Variants in POLN observed in about 807,000 individuals in gnomAD.
POLN encodes DNA polymerase N.
A neutral mutation model predicts 113.5 loss-of-function variants in POLN; 108 were observed. The ratio of observed to expected loss-of-function variants is 0.95; its 90% CI spans 0.81 to 1.12. The LOEUF (loss-of-function observed/expected upper bound fraction) is 1.12. Among genes scored for constraint, POLN ranks in the 50% most tolerant of loss-of-function variants. POLN has a pLI of 0.00. For missense variants in POLN, 1,097 were observed against 1,077.1 expected (o/e 1.02, Z -0.26); for synonymous variants, 386 against 391.5 (o/e 0.99, Z 0.17).
At chr4:2,239,552 C>T (rs957251843) in intron 2 of POLN, among the ~76,000 whole-genome samples, 1 of 152,144 alleles carries the variant, frequency 6.6e-6, no homozygotes, top group Non-Finnish European at 1.5e-5. Flanking sequence ...ACCAAGAAAA[C>T]AAGCTCTCCA....
At chr4:2,075,320 C>T in intron 24 of POLN, 132 bp downstream of exon 24, 1 of 992,844 alleles carries the variant, frequency 1.0e-6, no homozygotes, top group Non-Finnish European at 1.5e-6. Context: ...GGTGACACAG[C>T]AGCAATGAGG....
chr4:2,115,547 T>A (rs1731296122), intron 19 of POLN, among the ~76,000 whole-genome samples: 1 of 152,254 alleles, frequency 6.6e-6, no homozygotes, highest in Non-Finnish European at 1.5e-5. Context: ...CTGGGCCAGA[T>A]ATCTCCTTTG....
At chr4:2,212,847 G>A (rs890559521) in intron 4 of POLN, among the ~76,000 whole-genome samples, 200 bp downstream of exon 4, 14 of 151,766 alleles carry the variant, frequency 9.2e-5, no homozygotes, top group Non-Finnish European at 1.9e-4. Context: ...AGAGCACTCT[G>A]AACTAACTTC....
At position 2,080,836 on chromosome 4, in the gene POLN, C is replaced by G. The variant is rs34076941; in HGVS notation, c.2387+122G>C. On this transcript the variant is annotated intron_variant, in intron 23 of 25. Transcript: ENST00000511885. ...AGGGCCTTCCATGGGCTGAGAGCCT[C>G]AGGAGGGGACGGGGGCCCGATAAGC... 5.3e-3 allele frequency: 8,303 copies of G among 1,572,198 alleles called. 92 individuals are homozygous for G. In the East Asian group the frequency reaches 0.059, roughly 11 times the overall value.
At position 2,174,745 on chromosome 4, in the gene POLN, C is replaced by T; in HGVS notation, c.1255G>A (p.Gly419Ser). The change falls in exon 10 of 26, where the codon GGT becomes AGT. Residue 419 changes from glycine (G) to serine (S), a missense_variant. Transcript: ENST00000511885. ...AAAGTACGAAATAGTTGCCATAAAC[C>T]ATAATCCTGTTTAATAGGAAGAAAT... is the stretch of plus-strand genomic sequence containing the variant. ...MDLCSKLKDY[G>S]LWQLFRTLEL... 2 of 1,601,146 alleles carry T rather than the reference C, an allele frequency of 1.2e-6. No homozygotes were observed. Among genetic ancestry groups the T allele is most frequent in the Non-Finnish European group, 1.7e-6 (2 of 1,169,200 alleles).
chr4:2,200,569 T>C (rs1733686641), intron 5 of POLN, among the ~76,000 whole-genome samples: 1 of 152,178 alleles, frequency 6.6e-6, no homozygotes, highest in African/African-American at 2.4e-5. Flanking sequence ...CAGGACAGCT[T>C]GGAGCCTGGT....
At chr4:2,153,117 G>A (rs1210120518) in intron 16 of POLN, among the ~76,000 whole-genome samples, 2 of 152,202 alleles carry the variant, frequency 1.3e-5, no homozygotes, top group Non-Finnish European at 2.9e-5. Flanking sequence ...AGTGGGACAG[G>A]CCTCTGTCAG....
In POLN at chr4:2,089,193, G is replaced by A. The variant is rs773132817; in HGVS notation, c.2066-3449C>T. Reference sequence around the variant, plus strand: ...TCACTTCAGATAAACTGACCTCAAAGGACTCTTTCTTAATCTGAGAGTTGT... The same window carrying A: ...TCACTTCAGATAAACTGACCTCAAAAGACTCTTTCTTAATCTGAGAGTTGT... On this transcript the variant is annotated intron_variant, in intron 20 of 25. Transcript: ENST00000511885. 2.6e-6 allele frequency: 4 copies of A among 1,516,338 alleles called. No homozygotes were observed. The African/African-American group carries it at 5.5e-5, about 21-fold the overall frequency. 93.9% of individuals were successfully genotyped at this position (1,516,338 alleles called of 1,614,324 possible). A position where few individuals can be genotyped will look rare whatever the true frequency, so the allele number is the denominator to read the frequency against.
chr4:2,104,706 T>C (rs528503367), intron 19 of POLN, among the ~76,000 whole-genome samples: 2 of 152,260 alleles, frequency 1.3e-5, no homozygotes, highest in African/African-American at 2.4e-5. Flanking sequence ...GCAAGTGGCA[T>C]CTCCCTCTTA....
intron 19 of POLN, among the ~76,000 whole-genome samples, chr4:2,110,103 C>T (rs547972709): frequency 6.6e-6 from 1 of 152,314 alleles, no homozygotes; most frequent in East Asian, 1.9e-4. Flanking sequence ...AACCGCTCAA[C>T]TACATGGAAA....
intron 21 of POLN, chr4:2,082,685 T>A (rs1352024445): frequency 6.6e-6 from 1 of 152,198 alleles, no homozygotes; most frequent in African/African-American, 2.4e-5. Context: ...ACCTACTACA[T>A]GCCAGGCAAT....
intron 16 of POLN, among the ~76,000 whole-genome samples, chr4:2,147,643 CTTTTTT>C (rs747184067): frequency 6.3e-5 from 5 of 79,358 alleles, no homozygotes; most frequent in African/African-American, 8.3e-5. Flanking sequence ...TTTTTCTTTT[CTTTTTT>C]TTTTTTTTTT....
chr4:2,085,773 CCTCA>C (rs1444074611), intron 20 of POLN, 29 bp from the exon 21 acceptor site: 15 of 1,611,396 alleles, frequency 9.3e-6, no homozygotes, highest in Middle Eastern at 1.8e-4. Context: ...CATGTCAAAG[CCTCA>C]CTCACACCAG....
intron 16 of POLN, among the ~76,000 whole-genome samples, chr4:2,139,237 G>A (rs1166394838): frequency 6.6e-6 from 1 of 152,216 alleles, no homozygotes; most frequent in Non-Finnish European, 1.5e-5. Flanking sequence ...AGGGGGAAGC[G>A]TGAGCCTCTG....
intron 19 of POLN, among the ~76,000 whole-genome samples, chr4:2,109,936 T>C (rs1449536131): frequency 1.3e-5 from 2 of 152,212 alleles, no homozygotes; most frequent in African/African-American, 4.8e-5. Context: ...ATTGATATTT[T>C]AGCTTGACTT....
intron 19 of POLN, among the ~76,000 whole-genome samples, chr4:2,098,918 GCA>G (rs4031130): frequency 0.89 from 133,783 of 149,960 alleles, 60,299 homozygotes; most frequent in Non-Finnish European, 0.95. Context: ...ACGTGCGTGC[GCA>G]CACACACACA....
chr4:2,204,367 T>C (rs1733793579), intron 5 of POLN, among the ~76,000 whole-genome samples: 2 of 152,230 alleles, frequency 1.3e-5, no homozygotes, highest in East Asian at 1.9e-4. Context: ...CTTGGAAAGA[T>C]ACAACCTTTC....
At chr4:2,158,427 A>G (rs1732493839) in intron 14 of POLN, among the ~76,000 whole-genome samples, 1 of 152,204 alleles carries the variant, frequency 6.6e-6, no homozygotes, top group East Asian at 1.9e-4. Flanking sequence ...TAGATCTATT[A>G]ATTCTAGAAT....
At chr4:2,226,328 A>G (rs1560100254) in intron 3 of POLN, among the ~76,000 whole-genome samples, 1 of 152,234 alleles carries the variant, frequency 6.6e-6, no homozygotes, top group Non-Finnish European at 1.5e-5. Context: ...TGTGCCTCAG[A>G]AAACAAGGAT....
Sources: gnomAD v4.1 joint callset for allele counts (sites outside exome capture counted in the v4.1 genomes callset) on GRCh38, gnomAD v4.1.1 for gene constraint, MANE v1.5 for transcripts, NCBI Gene and HGNC (gene_info 2026-07-23, HGNC 2026-07-21) for gene names.